Variants in LARGE1 observed in about 807,000 individuals in gnomAD.
The protein encoded by LARGE1 is xylosyl- and glucuronyltransferase LARGE1.
In LARGE1, 43 loss-of-function variants were observed where a neutral mutation model predicts 87.6. That is an observed-to-expected ratio of 0.49 (90% CI 0.38 to 0.63). The LOEUF (loss-of-function observed/expected upper bound fraction) is 0.63. LARGE1 is among the 30% of genes least tolerant of loss of function. The probability of loss-of-function intolerance (pLI) is 0.00; values close to 1 mark genes in which losing one functional copy is unlikely to be tolerated. For synonymous variants in LARGE1, 434 were observed against 394.6 expected (o/e 1.10, Z -1.18); for missense variants, 802 against 1,000.2 (o/e 0.80, Z 2.67).
intron 5 of LARGE1, among the ~76,000 whole-genome samples, chr22:33,584,026 T>C (rs1402152013): frequency 6.6e-6 from 1 of 152,214 alleles, no homozygotes; most frequent in Non-Finnish European, 1.5e-5. Flanking sequence ...TCTGGTTTAT[T>C]AGTTTCCTCA....
Position 33,266,147 on chromosome 22 carries a change from A to AG in LARGE1, c.1730+38081dup, listed in dbSNP as rs567927136. Among the ~76,000 whole-genome samples the AG allele has an allele frequency of 2.2e-3, 322 of 145,872 alleles. 2 individuals carry two copies. Among genetic ancestry groups the AG allele is most frequent in the African/African-American group, 8.0e-3 (293 of 36,752 alleles). On this transcript the variant is annotated intron_variant, in intron 11 of 11. Coordinates refer to the LARGE1 transcript ENST00000608642. ...AAAAATCAGTAAGCAAGAACTCAAT[A>AG]GGGAAAAAAAAAAAAGAATGAAAGC...
intron 9 of LARGE1, among the ~76,000 whole-genome samples, chr22:33,342,382 A>T (rs1357749287): frequency 1.3e-5 from 2 of 152,234 alleles, no homozygotes; most frequent in Non-Finnish European, 2.9e-5. Context: ...CCAGGTACTT[A>T]AGAGACATGG....
chr22:33,541,537 T>C (rs989324375), intron 6 of LARGE1, among the ~76,000 whole-genome samples: 2 of 152,192 alleles, frequency 1.3e-5, no homozygotes, highest in Middle Eastern at 3.2e-3. Context: ...GTTTTATTCA[T>C]GACACACATG....
intron 1 of LARGE1, among the ~76,000 whole-genome samples, chr22:33,837,662 A>G (rs2063148967): frequency 1.3e-5 from 2 of 152,264 alleles, no homozygotes; most frequent in East Asian, 1.9e-4. Context: ...CCTCGGAAGA[A>G]GAGCTGACCC....
rs34470280 is a variant in LARGE1, at chr22:33,662,076, CAAAAAAAAAAA to C, written c.107-11419_107-11409del. Among the ~76,000 whole-genome samples, 15 of 54,910 alleles carry C rather than the reference CAAAAAAAAAAA, an allele frequency of 2.7e-4. No homozygotes were observed. In the East Asian group the frequency reaches 4.6e-3, roughly 17 times the overall value. 36.0% of individuals were successfully genotyped at this position (54,910 alleles called of 152,430 possible). On this transcript the variant is annotated intron_variant, in intron 2 of 14. Coordinates refer to ENST00000397394, the MANE Select transcript of LARGE1 (RefSeq NM_133642.5). The stretch of plus-strand genomic sequence containing the variant: ...CTAACACTAAGGACAGCTTAGGAGC[CAAAAAAAAAAA>C]AAAAAAAAAAAAGGAAAAGAATCTC...
At chr22:33,324,152 C>T (rs1011932170) in intron 10 of LARGE1, among the ~76,000 whole-genome samples, 2 of 144,416 alleles carry the variant, frequency 1.4e-5, no homozygotes, top group African/African-American at 5.4e-5. Context: ...CAGCTTGAAC[C>T]CAGGAGGTGG....
intron 1 of LARGE1, among the ~76,000 whole-genome samples, chr22:33,825,892 G>A (rs910345876): frequency 7.9e-5 from 12 of 151,940 alleles, no homozygotes; most frequent in Non-Finnish European, 1.2e-4. Context: ...GTGGGAAGGC[G>A]TTATAATGGA....
At chr22:33,442,378 G>A (rs961522701) in intron 6 of LARGE1, among the ~76,000 whole-genome samples, 4 of 152,204 alleles carry the variant, frequency 2.6e-5, no homozygotes, top group South Asian at 2.1e-4. Context: ...AAACGGTCCA[G>A]CTACCATTTG....
chr22:33,331,664 T>G (rs1294313128), intron 10 of LARGE1, among the ~76,000 whole-genome samples: 1 of 152,162 alleles, frequency 6.6e-6, no homozygotes, highest in Non-Finnish European at 1.5e-5. Flanking sequence ...CGCCTCGGCC[T>G]CCCAAAGTGC....
chr22:33,303,844 C>T (rs966392316), intron 12 of LARGE1, among the ~76,000 whole-genome samples: 2 of 151,874 alleles, frequency 1.3e-5, no homozygotes, highest in African/African-American at 2.4e-5. Context: ...AGGATGGTCT[C>T]GAACTCCTGA....
chr22:33,120,382 C>CTTTCT, the LARGE1 span, among the ~76,000 whole-genome samples: 1 of 93,048 alleles, frequency 1.1e-5, no homozygotes, highest in African/African-American at 6.7e-5. Flanking sequence ...TTCTTTCTTT[C>CTTTCT]TTTCTTTCTT....
intron 5 of LARGE1, among the ~76,000 whole-genome samples, chr22:33,573,028 G>A (rs1391591775): frequency 6.6e-6 from 1 of 152,086 alleles, no homozygotes; most frequent in Non-Finnish European, 1.5e-5. Flanking sequence ...TCAGTAAATT[G>A]GGGCTACTTA....
chr22:33,797,847 C>T (rs722659), intron 1 of LARGE1, among the ~76,000 whole-genome samples: 138,814 of 152,308 alleles, frequency 0.91, 63,411 homozygotes, highest in East Asian at 0.97. Context: ...CATTTACAAC[C>T]GTAACCTAAC....
intron 1 of LARGE1, among the ~76,000 whole-genome samples, chr22:33,873,953 A>T (rs130839): frequency 1 from 151,361 of 151,376 alleles, 75,673 homozygotes; most frequent in Middle Eastern, 1. Context: ...TCTTCCTTCC[A>T]CCCCACCCGG....
chr22:33,484,008 G>A (rs1277583291), intron 6 of LARGE1, among the ~76,000 whole-genome samples: 4 of 152,086 alleles, frequency 2.6e-5, no homozygotes, highest in African/African-American at 4.8e-5. Flanking sequence ...TACGGGGTGC[G>A]GACAGTGAAA....
chr22:33,695,108 CTT>C (rs71320988), intron 2 of LARGE1, among the ~76,000 whole-genome samples: 13 of 140,024 alleles, frequency 9.3e-5, no homozygotes, highest in Non-Finnish European at 1.2e-4. Context: ...TTCTTTCTTT[CTT>C]TTTTTTTTTT....
At chr22:33,494,928 C>T (rs1569212128) in intron 6 of LARGE1, among the ~76,000 whole-genome samples, 1 of 152,192 alleles carries the variant, frequency 6.6e-6, no homozygotes, top group Non-Finnish European at 1.5e-5. Flanking sequence ...CTTGGCGCTG[C>T]CTCTATGCAG....
chr22:33,462,964 A>G (rs1451182166), intron 6 of LARGE1, among the ~76,000 whole-genome samples: 1 of 152,232 alleles, frequency 6.6e-6, no homozygotes, highest in African/African-American at 2.4e-5. Context: ...TATTAATTTC[A>G]GACTTGAAGT....
rs1359277743 is a variant in LARGE1, at chr22:33,385,291, C to A, written c.893-987G>T. Among the ~76,000 whole-genome samples the A allele has an allele frequency of 4.1e-5, 6 of 147,854 alleles. 1 individual carries two copies. The highest frequency in any genetic ancestry group is 1.5e-4 in the African/African-American group (6 of 40,742). On this transcript the variant is annotated intron_variant, in intron 7 of 14. Transcript: ENST00000397394. ...TGGTGGTTCATGCCTGTAAACCCAG[C>A]ACTTTGGGAGGGGAGGTGGGTGGAT...
Sources: gnomAD v4.1 joint callset for allele counts (sites outside exome capture counted in the v4.1 genomes callset) on GRCh38, gnomAD v4.1.1 for gene constraint, MANE v1.5 for transcripts, NCBI Gene and HGNC (gene_info 2026-07-23, HGNC 2026-07-21) for gene names.